The following EHMT1 variants were observed in gnomAD, a reference collection of about 807,000 sequenced individuals.
EHMT1 encodes euchromatic histone lysine methyltransferase 1, also known as histone-lysine N-methyltransferase EHMT1.
Under a neutral mutation model 147.2 loss-of-function variants are expected in EHMT1, and 15 were observed. The ratio of observed to expected loss-of-function variants is 0.10; its 90% CI spans 0.07 to 0.16. The LOEUF (loss-of-function observed/expected upper bound fraction) is 0.16, where lower values mean the gene tolerates loss of function less well. Ranked by LOEUF, EHMT1 falls within the 10% of genes least tolerant of loss-of-function variation. The pLI, the probability that EHMT1 is intolerant of heterozygous loss-of-function variation, is 1.00. For missense variants in EHMT1, 1,587 were observed against 1,772.4 expected (o/e 0.90, Z 1.88); for synonymous variants, 795 against 709.6 (o/e 1.12, Z -1.91).
intron 22 of EHMT1, among the ~76,000 whole-genome samples, chr9:137,815,123 T>TGGGTAAAGAGACGCGAGCA (rs1954817534): frequency 6.6e-6 from 1 of 151,818 alleles, no homozygotes; most frequent in Non-Finnish European, 1.5e-5. Context: ...CAGCATGGCC[T>TGGGTAAAGAGACGCGAGCA]GGGTAAAGAG....
intron 15 of EHMT1, chr9:137,788,076 A>G (rs1952141443): frequency 7.4e-7 from 1 of 1,354,922 alleles, no homozygotes; most frequent in Non-Finnish European, 1.0e-6. Context: ...CTCCCCCTCC[A>G]CTCTCGTGGG....
In EHMT1 at chr9:137,775,979, G is replaced by T. The variant is rs1950927463; in HGVS notation, c.1792-639G>T. ...CGCCTGTGTGTGTGAGTGTTTGAGT[G>T]TGAGCTTCAGGCACCCAGAGATGCC... On this transcript the variant is annotated intron_variant, in intron 11 of 26. Coordinates refer to ENST00000460843, the MANE Select transcript of EHMT1 (RefSeq NM_024757.5). This position sits in a 1 kb window ranked among gnomAD's most constrained non-coding sequence, Gnocchi z 6.1. 6.6e-6 allele frequency among the ~76,000 whole-genome samples: 1 copy of T among 152,110 alleles called. No homozygotes were observed. Among genetic ancestry groups the T allele is most frequent in the Non-Finnish European group, 1.5e-5 (1 of 68,032 alleles).
At position 137,782,313 on chromosome 9, in the gene EHMT1, C is replaced by T. The variant is rs1289036370; in HGVS notation, c.2298C>T (p.Phe766=). 1 of 1,613,724 alleles carries T rather than the reference C, an allele frequency of 6.2e-7. No individual in the cohort carries two copies. Among genetic ancestry groups the T allele is most frequent in the South Asian group, 1.1e-5 (1 of 91,034 alleles). Residue 766 remains phenylalanine, a synonymous_variant, in exon 15 of 27, where the codon TTC becomes TTT. Coordinates refer to ENST00000460843, the MANE Select transcript of EHMT1 (RefSeq NM_024757.5). The surrounding 1 kb of genome is among the most constrained non-coding windows in gnomAD (Gnocchi z 5.7). ...CAGTGGACGGAATTGACCCCAACTT[C>T]AAAATGGAGCACCAGAATAAGCGCT... is the stretch of plus-strand genomic sequence containing the variant. ...LMLVDGIDPN[F]KMEHQNKRSP...
chr9:137,759,956 G>C (rs1949678524), intron 9 of EHMT1, among the ~76,000 whole-genome samples: 1 of 152,182 alleles, frequency 6.6e-6, no homozygotes, highest in Non-Finnish European at 1.5e-5. Context: ...TTGAGCCTTG[G>C]GCCAAGGAGA....
intron 3 of EHMT1, among the ~76,000 whole-genome samples, chr9:137,717,714 C>G (rs1945487737): frequency 6.6e-6 from 1 of 152,060 alleles, no homozygotes; most frequent in Non-Finnish European, 1.5e-5. Flanking sequence ...TCTCTTCTCA[C>G]AGGATTCTGT....
chr9:137,635,011 C>T (rs191518094), intron 1 of EHMT1, among the ~76,000 whole-genome samples: 30 of 151,290 alleles, frequency 2.0e-4, no homozygotes, highest in Admixed American at 6.6e-4. Context: ...TGAGCCACTG[C>T]GCCCGGCTGT....
At chr9:137,716,521 G>C (rs1945304476) in intron 2 of EHMT1, 105 bp from the exon 3 acceptor site, 1 of 891,390 alleles carries the variant, frequency 1.1e-6, no homozygotes, top group African/African-American at 1.7e-5. Flanking sequence ...GTCATGGTGG[G>C]GGAGGAAGTT....
Position 137,834,476 on chromosome 9 carries a change from G to A in EHMT1, c.3668G>A (p.Arg1223Gln), listed in dbSNP as rs777746839. ...FMAHQDLRFPRIAFFSTRLIE... is the reference protein window; with the variant it reads ...FMAHQDLRFPQIAFFSTRLIE... Reference sequence around the variant, plus strand: ...GCCCACCAGGACCTGCGGTTCCCCCGGATCGCCTTCTTCAGCACCCGCCTG... The same window carrying A: ...GCCCACCAGGACCTGCGGTTCCCCCAGATCGCCTTCTTCAGCACCCGCCTG... Residue 1223 changes from arginine to glutamine, a missense_variant, in exon 26 of 27, where the codon CGG becomes CAG. Arg to Gln is a conservative substitution (Grantham distance 43). This residue lies in a region of EHMT1 where 141 missense variants were observed against 150.8 expected (regional missense o/e 0.94). Coordinates refer to ENST00000460843, the MANE Select transcript of EHMT1 (RefSeq NM_024757.5). The A allele has an allele frequency of 4.3e-6, 7 of 1,612,684 alleles. No individual in the cohort carries two copies. Among genetic ancestry groups the A allele is most frequent in the Admixed American group, 1.7e-5 (1 of 60,018 alleles).
chr9:137,766,149 G>A (rs1228669395), intron 10 of EHMT1, among the ~76,000 whole-genome samples: 1 of 152,150 alleles, frequency 6.6e-6, no homozygotes, highest in Non-Finnish European at 1.5e-5. Context: ...CTTGAGTGTG[G>A]GGAGGGTTTA....
At chr9:137,650,149 AGT>A (rs1449597943) in intron 1 of EHMT1, among the ~76,000 whole-genome samples, 20 of 152,138 alleles carry the variant, frequency 1.3e-4, no homozygotes, top group African/African-American at 4.8e-4. Context: ...CCCAGGCTGG[AGT>A]GCAGTGGTGC....
intron 1 of EHMT1, among the ~76,000 whole-genome samples, chr9:137,704,506 T>C (rs558873139): frequency 1.3e-5 from 2 of 152,346 alleles, no homozygotes; most frequent in African/African-American, 4.8e-5. Context: ...AATAGAGTTT[T>C]AGGACTAAAA....
intron 2 of EHMT1, among the ~76,000 whole-genome samples, chr9:137,711,531 A>G (rs909645990): frequency 6.6e-6 from 1 of 152,278 alleles, no homozygotes; most frequent in Middle Eastern, 3.4e-3. Context: ...CACAAGCTGC[A>G]TGACTCCAAT....
rs142093934 is a variant in EHMT1, at chr9:137,700,458, A to G, written c.22-10509A>G. On this transcript the variant is annotated intron_variant, in intron 1 of 26. Coordinates refer to ENST00000460843, the MANE Select transcript of EHMT1 (RefSeq NM_024757.5). The stretch of plus-strand genomic sequence containing the variant: ...TTCTCCAGCCACATCAGTGCCTTAG[A>G]CAATATATTAAAGTGGGCATTCGGA... Among the ~76,000 whole-genome samples the G allele has an allele frequency of 2.6e-3, 392 of 152,338 alleles. 1 individual carries two copies. Among genetic ancestry groups the G allele is most frequent in the African/African-American group, 9.1e-3 (379 of 41,578 alleles).
intron 1 of EHMT1, among the ~76,000 whole-genome samples, chr9:137,644,655 T>C (rs950450734): frequency 2.0e-5 from 3 of 152,132 alleles, no homozygotes; most frequent in Non-Finnish European, 4.4e-5. Context: ...TTATGAGTTA[T>C]GTATCTAAAA....
At chr9:137,671,929 C>T (rs566930369) in intron 1 of EHMT1, among the ~76,000 whole-genome samples, 2 of 152,314 alleles carry the variant, frequency 1.3e-5, no homozygotes, top group African/African-American at 4.8e-5. Flanking sequence ...GGCCGTGGCC[C>T]CTTAGTCCTT....
rs766083787 is a variant in EHMT1 at position 137,743,400 on chromosome 9, G to C, written c.853G>C (p.Val285Leu). The part of the protein sequence containing the change: ...ACLPFVLAAA[V>L]SRKKKRRMGT... ...CTTGCCTTTTGTTTTAGCAGCTGCA[G>C]TATCTCGGAAGAAAAAACGAAGAAT... The change falls in exon 5 of 27, where the codon GTA becomes CTA. Residue 285 changes from valine to leucine, a missense_variant. Around this residue, in one of 7 missense-constraint regions of EHMT1, gnomAD observed 810 missense variants for 673.0 expected, o/e 1.20. Coordinates refer to ENST00000460843, the MANE Select transcript of EHMT1 (RefSeq NM_024757.5). 1.9e-6 allele frequency: 3 copies of C among 1,607,528 alleles called. No homozygotes were observed. The highest frequency in any genetic ancestry group is 1.1e-5 in the South Asian group (1 of 90,924).
chr9:137,663,035 C>T (rs1295484405), intron 1 of EHMT1, among the ~76,000 whole-genome samples: 1 of 151,370 alleles, frequency 6.6e-6, no homozygotes, highest in Non-Finnish European at 1.5e-5. Context: ...CTCAGGCGAT[C>T]ACCTGCCTCG....
intron 1 of EHMT1, among the ~76,000 whole-genome samples, chr9:137,679,381 C>T (rs766837521): frequency 5.3e-5 from 8 of 152,114 alleles, no homozygotes; most frequent in Non-Finnish European, 1.0e-4. Flanking sequence ...TTCAAGCAGC[C>T]TTGCACCTGG....
intron 1 of EHMT1, among the ~76,000 whole-genome samples, chr9:137,626,852 C>G (rs1233712872): frequency 6.7e-6 from 1 of 150,102 alleles, no homozygotes; most frequent in South Asian, 2.1e-4. Flanking sequence ...GTGGCGTGAT[C>G]TCTGCTCACT....
Sources: gnomAD v4.1 joint callset for allele counts (sites outside exome capture counted in the v4.1 genomes callset) on GRCh38, gnomAD v4.1.1 for gene constraint, gnomAD v4.1.1 regional missense constraint, Gnocchi (gnomAD v3.1) non-coding constraint, MANE v1.5 for transcripts, NCBI Gene and HGNC (gene_info 2026-07-23, HGNC 2026-07-21) for gene names.